ANK2: variants seen among roughly 807,000 people sequenced by gnomAD.
ANK2 encodes the protein ankyrin-2.
Under a neutral mutation model 360.5 loss-of-function variants are expected in ANK2, and 83 were observed. The observed-to-expected ratio is 0.23, with a 90% confidence interval of 0.19 to 0.28. The LOEUF is 0.28. ANK2 is among the 10% of genes least tolerant of loss of function. ANK2 has a pLI of 1.00. For synonymous variants in ANK2, 1,740 were observed against 1,759.5 expected, an observed-to-expected ratio of 0.99 and a Z score of 0.28; for missense variants, 4,201 against 4,795.7, an observed-to-expected ratio of 0.88 and a Z score of 3.66.
At chr4:112,888,205 TA>T (rs1279529781) in intron 1 of ANK2, among the ~76,000 whole-genome samples, 3 of 152,104 alleles carry the variant, frequency 2.0e-5, no homozygotes, top group African/African-American at 7.2e-5. Context: ...ATTCATAAGT[TA>T]AAAAAAGTCA....
At chr4:113,207,483 A>G (rs1031093353) in intron 4 of ANK2, among the ~76,000 whole-genome samples, 6 of 152,222 alleles carry the variant, frequency 3.9e-5, no homozygotes, top group Non-Finnish European at 8.8e-5. Context: ...CAAATTTTAC[A>G]TAAGAGTTAC....
the ANK2 span, among the ~76,000 whole-genome samples, chr4:112,770,696 ACT>A: frequency 0.16 from 21,895 of 136,934 alleles, 2,128 homozygotes; most frequent in East Asian, 0.46. Flanking sequence ...ACAGAGCAAG[ACT>A]CTCTCTCTCT....
the ANK2 span, among the ~76,000 whole-genome samples, chr4:112,719,010 A>C: frequency 1.3e-5 from 2 of 152,246 alleles, no homozygotes; most frequent in Admixed American, 6.5e-5. Context: ...TCTTCTCATT[A>C]GGACTATAGA....
chr4:113,176,414 T>A (rs930936869), intron 2 of ANK2, among the ~76,000 whole-genome samples: 1 of 152,166 alleles, frequency 6.6e-6, no homozygotes, highest in African/African-American at 2.4e-5. Flanking sequence ...AATCTTCGTA[T>A]GTTGTGTCTA....
At chr4:113,050,157 G>A (rs1311251925) in intron 1 of ANK2, among the ~76,000 whole-genome samples, 1 of 151,596 alleles carries the variant, frequency 6.6e-6, no homozygotes, top group Non-Finnish European at 1.5e-5. Flanking sequence ...AAAAGGAAGA[G>A]TGTTAAGCAA....
At chr4:113,132,240 A>C (rs2096087636) in intron 1 of ANK2, among the ~76,000 whole-genome samples, 2 of 152,138 alleles carry the variant, frequency 1.3e-5, no homozygotes, top group Non-Finnish European at 2.9e-5. Context: ...ATATATGTGG[A>C]CATATTTATC....
At chr4:112,725,841 C>T in the ANK2 span, among the ~76,000 whole-genome samples, 97 of 151,852 alleles carry the variant, frequency 6.4e-4, 1 homozygote, top group Admixed American at 5.3e-4. Context: ...AAAGAGTTCT[C>T]GAAGATTGGT....
chr4:112,974,727 T>C (rs2040746925), intron 2 of ANK2, among the ~76,000 whole-genome samples: 1 of 152,190 alleles, frequency 6.6e-6, no homozygotes, highest in African/African-American at 2.4e-5. Context: ...AACAAATTGG[T>C]CTAAATTTCC....
chr4:112,876,987 C>G (rs1438712537), intron 1 of ANK2, among the ~76,000 whole-genome samples: 1 of 151,978 alleles, frequency 6.6e-6, no homozygotes, highest in African/African-American at 2.4e-5. Context: ...CCAACAATCT[C>G]CTCTCCCTTC....
At chr4:113,146,958 G>A (rs548190424) in intron 1 of ANK2, among the ~76,000 whole-genome samples, 4 of 152,230 alleles carry the variant, frequency 2.6e-5, no homozygotes, top group Non-Finnish European at 4.4e-5. Context: ...GTGGTGCTCT[G>A]CTCTCTTTGG....
intron 31 of ANK2, among the ~76,000 whole-genome samples, chr4:113,338,876 C>G (rs1355452923): frequency 6.6e-6 from 1 of 152,062 alleles, no homozygotes; most frequent in Non-Finnish European, 1.5e-5. Flanking sequence ...ACAAACTGTT[C>G]AGCTCCTTAG....
At chr4:113,135,521 C>CTGTA (rs72311638) in intron 1 of ANK2, among the ~76,000 whole-genome samples, 1 of 148,014 alleles carries the variant, frequency 6.8e-6, no homozygotes, top group African/African-American at 2.5e-5. Flanking sequence ...GTGTGTGTCT[C>CTGTA]TCTGTGTGTG....
At chr4:113,094,537 T>C (rs978574835) in intron 1 of ANK2, among the ~76,000 whole-genome samples, 3 of 151,838 alleles carry the variant, frequency 2.0e-5, no homozygotes, top group African/African-American at 4.8e-5. Flanking sequence ...TGTGTGTGTG[T>C]GCATGCATGT....
chr4:112,880,393 A>G (rs559878118), intron 1 of ANK2: 14 of 152,326 alleles, frequency 9.2e-5, no homozygotes, highest in African/African-American at 3.1e-4. Context: ...CTAATATACC[A>G]GTTGTTACAA....
intron 45 of ANK2, among the ~76,000 whole-genome samples, chr4:113,380,196 A>T (rs992175700): frequency 6.6e-6 from 1 of 152,124 alleles, no homozygotes; most frequent in African/African-American, 2.4e-5. Context: ...TGCTCTGCCT[A>T]TGGAGTAGCC....
Position 113,145,799 on chromosome 4 carries a change from C to T in ANK2, c.85-28617C>T, listed in dbSNP as rs1032944701. On this transcript the variant is annotated intron_variant, in intron 1 of 45. Transcript: ENST00000357077. ...TGATGAATTGCCCACATTAGTGTAC[C>T]CCTGGGAGCCCTGGACAGAGTGCAG... 8.7e-6 allele frequency: 11 copies of T among 1,264,096 alleles called. No individual in the cohort carries two copies. In the Admixed American group the frequency reaches 2.0e-4, roughly 23 times the overall value. The allele number at this position is 1,264,096 out of a possible 1,614,324, so 78.3% of individuals were successfully genotyped here.
At chr4:113,286,014 T>G (rs143544574) in intron 18 of ANK2, among the ~76,000 whole-genome samples, 4 of 152,356 alleles carry the variant, frequency 2.6e-5, no homozygotes, top group African/African-American at 9.6e-5. Flanking sequence ...GCAGAGATTT[T>G]CATACTGGTT....
the ANK2 span, among the ~76,000 whole-genome samples, chr4:112,715,544 G>A: frequency 6.6e-6 from 1 of 152,214 alleles, no homozygotes; most frequent in Admixed American, 6.5e-5. Flanking sequence ...TAACACAGAT[G>A]TGATAAGAAC....
chr4:113,358,099 A>T lies in ANK2; in HGVS notation c.9481A>T (p.Thr3161Ser), dbSNP rs766761165. The T allele has an allele frequency of 1.9e-6, 3 of 1,614,076 alleles. No individual in the cohort carries two copies. The highest frequency in any genetic ancestry group is 2.5e-6 in the Non-Finnish European group (3 of 1,179,958). ...TGGGGCTGATCCCCTACCGCTGGAG[A>T]CATCAGCTGAATCACTAGCACTTTC... ...ATGADPLPLE[T>S]SAESLALSES... Residue 3161 changes from threonine to serine, a missense_variant, in exon 38 of 46, where the codon ACA (threonine) becomes TCA (serine). Transcript: ENST00000357077.
Sources: allele counts gnomAD v4.1 joint callset (sites outside exome capture counted in the v4.1 genomes callset), GRCh38; gene constraint gnomAD v4.1.1; transcripts MANE v1.5; gene names NCBI Gene and HGNC (gene_info 2026-07-23, HGNC 2026-07-21).